The following DACH2 variants were observed in gnomAD, a reference collection of about 807,000 sequenced individuals.
DACH2 encodes dachshund family transcription factor 2.
A neutral mutation model predicts 35.8 loss-of-function variants in DACH2; 17 were observed. The ratio of observed to expected loss-of-function variants is 0.48; its 90% confidence interval spans 0.33 to 0.71. DACH2 has a LOEUF of 0.71. Among genes scored for constraint, DACH2 ranks in the 30% least tolerant of loss-of-function variants. The pLI is 0.02. For synonymous variants in DACH2, 195 were observed against 177.3 expected, an observed-to-expected ratio of 1.10 and a Z score of -0.79; for missense variants, 469 against 472.7, an observed-to-expected ratio of 0.99 and a Z score of 0.07.
At chrX:86,538,624 C>T (rs142744405) in intron 3 of DACH2, among the ~76,000 whole-genome samples, 1,342 of 111,519 alleles carry the variant, frequency 0.012, 27 homozygotes, top group African/African-American at 0.042. Flanking sequence ...CAGCAGGTGG[C>T]AAAAGGCAAG....
At chrX:86,512,863 G>A (rs1358347484) in intron 2 of DACH2, 2 of 324,737 alleles carry the variant, frequency 6.2e-6, no homozygotes, top group East Asian at 2.0e-4. Flanking sequence ...ATAGGGCAAA[G>A]GCAAACACGG....
Position 86,309,750 on chromosome X carries a change from A to G in DACH2, c.489-67074A>G, listed in dbSNP as rs549902702. Among the ~76,000 whole-genome samples the G allele has an allele frequency of 1.9e-4, 21 of 112,413 alleles. 1 individual carries two copies. Among genetic ancestry groups the G allele is most frequent in the African/African-American group, 3.9e-4 (12 of 30,930 alleles). On this transcript the variant is annotated intron_variant, in intron 1 of 11. Transcript: ENST00000373125. Reference sequence around the variant, plus strand: ...AAATTGCTGTATTTGACCCTCCTACAACCAAGAAAGAGGCACAATGCCTAG... The same window carrying G: ...AAATTGCTGTATTTGACCCTCCTACGACCAAGAAAGAGGCACAATGCCTAG...
intron 2 of DACH2, among the ~76,000 whole-genome samples, chrX:86,393,939 TTTATTATTA>T (rs61097672): frequency 9.8e-4 from 103 of 104,829 alleles, no homozygotes; most frequent in African/African-American, 3.1e-3. Context: ...TGGTAGCTAT[TTTATTATTA>T]TTATTATTAT....
chrX:86,660,871 A>C (rs1419568361), intron 4 of DACH2, among the ~76,000 whole-genome samples: 3 of 111,276 alleles, frequency 2.7e-5, no homozygotes, highest in Non-Finnish European at 5.7e-5. Context: ...ATAGTTTCAC[A>C]TAGAGTTGAG....
intron 1 of DACH2, among the ~76,000 whole-genome samples, chrX:86,291,519 G>T (rs1411970696): frequency 1.9e-5 from 2 of 106,760 alleles, no homozygotes; most frequent in South Asian, 4.2e-4. Context: ...CAAAGGGAAT[G>T]CTTCCAGTTT....
At chrX:86,295,447 A>C (rs1324053604) in intron 1 of DACH2, among the ~76,000 whole-genome samples, 3 of 111,489 alleles carry the variant, frequency 2.7e-5, no homozygotes, top group Non-Finnish European at 5.7e-5. Context: ...TTTCATACCC[A>C]ACCAGTTCAC....
chrX:86,813,308 A>G (rs973868299), intron 9 of DACH2, 31 bp downstream of exon 9: 1 of 1,147,499 alleles, frequency 8.7e-7, no homozygotes, highest in Non-Finnish European at 1.2e-6. Flanking sequence ...TACAGAGTGA[A>G]TATTATGTTG....
At chrX:86,274,490 C>CT (rs2033876912) in intron 1 of DACH2, among the ~76,000 whole-genome samples, 11 of 10,106 alleles carry the variant, frequency 1.1e-3, no homozygotes, top group Admixed American at 2.0e-3. Flanking sequence ...CGGAGTCTTT[C>CT]TGTTTTTTTT....
At chrX:86,369,701 G>T (rs957397729) in intron 1 of DACH2, among the ~76,000 whole-genome samples, 1 of 111,233 alleles carries the variant, frequency 9.0e-6, no homozygotes, top group South Asian at 3.7e-4. Flanking sequence ...AAATGTTATA[G>T]CATTATTTAT....
chrX:86,395,578 C>A (rs769950358), intron 2 of DACH2, among the ~76,000 whole-genome samples: 1 of 110,321 alleles, frequency 9.1e-6, no homozygotes, highest in Non-Finnish European at 1.9e-5. Context: ...TGATGTTCCC[C>A]TTCCTGTGTC....
intron 2 of DACH2, among the ~76,000 whole-genome samples, chrX:86,425,900 CA>C (rs2036886026): frequency 9.0e-6 from 1 of 110,894 alleles, no homozygotes; most frequent in African/African-American, 3.3e-5. Context: ...AGTAGAAGAA[CA>C]AGTGTGCCTC....
At chrX:86,796,415 C>G (rs1385623784) in intron 7 of DACH2, among the ~76,000 whole-genome samples, 4 of 111,719 alleles carry the variant, frequency 3.6e-5, no homozygotes, top group African/African-American at 1.3e-4. Flanking sequence ...GGAAGTCCAG[C>G]TGGCTTCACC....
chrX:86,365,005 A>G (rs1487262398), intron 1 of DACH2, among the ~76,000 whole-genome samples: 1 of 111,854 alleles, frequency 8.9e-6, no homozygotes, highest in Non-Finnish European at 1.9e-5. Context: ...CTGAAAAGGT[A>G]GAATAAAACC....
At chrX:86,208,872 C>A (rs772386576) in intron 1 of DACH2, among the ~76,000 whole-genome samples, 9 of 111,582 alleles carry the variant, frequency 8.1e-5, no homozygotes, top group African/African-American at 2.9e-4. Context: ...AAAGTATAAA[C>A]CTAAAGTTTC....
At chrX:86,799,441 G>T (rs984920146) in intron 7 of DACH2, among the ~76,000 whole-genome samples, 1 of 112,092 alleles carries the variant, frequency 8.9e-6, no homozygotes, top group African/African-American at 3.2e-5. Context: ...CTCCAAGGGA[G>T]ATCAATGCAG....
chrX:86,585,238 A>G (rs1181721549), intron 3 of DACH2, among the ~76,000 whole-genome samples: 1 of 111,212 alleles, frequency 9.0e-6, no homozygotes, highest in Admixed American at 9.6e-5. Context: ...CAAACTGCAT[A>G]CCACAGTGGC....
At chrX:86,158,590 A>C (rs2030638607) in intron 1 of DACH2, among the ~76,000 whole-genome samples, 2 of 109,860 alleles carry the variant, frequency 1.8e-5, no homozygotes, top group South Asian at 7.8e-4. Context: ...GGTGCCAGGC[A>C]GTGGTCTAGG....
rs200005365 is a variant in DACH2 at position 86,270,038 on chromosome X, TA to T, written c.489-106785del. Among the ~76,000 whole-genome samples the T allele has an allele frequency of 2.0e-3, 193 of 94,397 alleles. 1 individual carries two copies. Among genetic ancestry groups the T allele is most frequent in the Non-Finnish European group, 3.1e-3 (154 of 49,392 alleles). 82.0% of individuals were successfully genotyped at this position (94,397 alleles called of 115,157 possible). A position where few individuals can be genotyped will look rare whatever the true frequency, so the allele number is the denominator to read the frequency against. On this transcript the variant is annotated intron_variant, in intron 1 of 11. Transcript: ENST00000373125. ...TATATATATATTATATATATATATA[TA>T]TTTTTTTTTTTTCCTAAAGAGTTTA...
At chrX:86,761,202 C>T (rs757543244) in intron 7 of DACH2, among the ~76,000 whole-genome samples, 2 of 110,219 alleles carry the variant, frequency 1.8e-5, no homozygotes, top group East Asian at 2.9e-4. Context: ...CCTTTCCCCC[C>T]ATCCCTGACA....
Sources: gnomAD v4.1 joint callset for allele counts (sites outside exome capture counted in the v4.1 genomes callset) on GRCh38, gnomAD v4.1.1 for gene constraint, MANE v1.5 for transcripts, NCBI Gene and HGNC (gene_info 2026-07-23, HGNC 2026-07-21) for gene names.